Variants in NFKB1 observed in about 807,000 individuals in gnomAD.
NFKB1 encodes nuclear factor NF-kappa-B p105 subunit.
A neutral mutation model predicts 105.1 loss-of-function variants in NFKB1; 9 were observed. The ratio of observed to expected loss-of-function variants is 0.09; its 90% CI spans 0.05 to 0.15. The LOEUF (loss-of-function observed/expected upper bound fraction) is 0.15. Ranked by LOEUF, NFKB1 falls within the 10% of genes least tolerant of loss-of-function variation. The probability of loss-of-function intolerance (pLI) is 1.00; values close to 1 mark genes in which losing one functional copy is unlikely to be tolerated. For synonymous variants in NFKB1, 440 were observed against 442.2 expected (o/e 1.00, Z 0.06); for missense variants, 830 against 1,203.7 (o/e 0.69, Z 4.59).
At chr4:102,580,006 A>G (rs1207459811) in intron 8 of NFKB1, among the ~76,000 whole-genome samples, 2 of 152,134 alleles carry the variant, frequency 1.3e-5, no homozygotes, top group African/African-American at 4.8e-5. Context: ...CTATTACCAC[A>G]AGAAAGTTTT....
chr4:102,561,281 TTG>T (rs545717717), intron 5 of NFKB1, among the ~76,000 whole-genome samples: 8 of 123,764 alleles, frequency 6.5e-5, no homozygotes, highest in African/African-American at 1.3e-4. Context: ...TTTTTTTTTT[TTG>T]TGTGTGTGTG....
chr4:102,606,306 A>G (rs150423120), intron 16 of NFKB1, among the ~76,000 whole-genome samples, 190 bp from the exon 17 acceptor site: 4 of 152,350 alleles, frequency 2.6e-5, no homozygotes, highest in African/African-American at 9.6e-5. Flanking sequence ...AAGTGTTAGT[A>G]CAGTATATGT....
At chr4:102,530,018 A>G (rs1560645857) in intron 3 of NFKB1, 104 bp downstream of exon 3, 2 of 750,436 alleles carry the variant, frequency 2.7e-6, no homozygotes, top group Non-Finnish European at 4.4e-6. Context: ...GTACCTAGAA[A>G]GGAAATGGTG....
rs578235748 is a variant in NFKB1, at chr4:102,518,622, A to C, written c.-7-6890A>C. Among the ~76,000 whole-genome samples, 3 of 152,334 alleles carry C rather than the reference A, an allele frequency of 2.0e-5. No homozygotes were observed. In the South Asian group the frequency reaches 6.2e-4, roughly 32 times the overall value. ...GGAGAATCACCACAAAGCAAATTAA[A>C]AGATACTGATTACTTCTTCCAATTC... On this transcript the variant is annotated intron_variant, in intron 1 of 23. Coordinates refer to ENST00000226574, the MANE Select transcript of NFKB1 (RefSeq NM_003998.4).
intron 4 of NFKB1, among the ~76,000 whole-genome samples, chr4:102,534,301 T>C (rs1741491700): frequency 6.6e-6 from 1 of 152,182 alleles, no homozygotes; most frequent in South Asian, 2.1e-4. Flanking sequence ...CTCTTAGCCT[T>C]CCTCCTTCCT....
At chr4:102,603,127 C>A (rs2149216365) in intron 16 of NFKB1, among the ~76,000 whole-genome samples, 1 of 152,258 alleles carries the variant, frequency 6.6e-6, no homozygotes. Context: ...GACTGGAATG[C>A]AGTGGCGCGA....
At chr4:102,504,343 C>A (rs1739289448) in intron 1 of NFKB1, among the ~76,000 whole-genome samples, 1 of 152,124 alleles carries the variant, frequency 6.6e-6, no homozygotes, top group African/African-American at 2.4e-5. Context: ...CTCTTCTGGT[C>A]CACAGATTGA....
chr4:102,522,365 A>G (rs1740627761), intron 1 of NFKB1, among the ~76,000 whole-genome samples: 1 of 152,206 alleles, frequency 6.6e-6, no homozygotes, highest in Non-Finnish European at 1.5e-5. Context: ...TAAAAGTTCA[A>G]ATTTTAACTA....
chr4:102,526,942 A>G (rs759191988), intron 2 of NFKB1, among the ~76,000 whole-genome samples: 18 of 151,098 alleles, frequency 1.2e-4, no homozygotes, highest in Middle Eastern at 3.4e-3. Flanking sequence ...GTGTGTGTGT[A>G]TATATGTATA....
intron 16 of NFKB1, 79 bp from the exon 17 acceptor site, chr4:102,606,417 C>A: frequency 1.5e-6 from 2 of 1,334,976 alleles, no homozygotes; most frequent in Non-Finnish European, 2.1e-6. Flanking sequence ...CCACCTATTG[C>A]AGTAACAGCT....
chr4:102,551,825 G>T (rs1029348983), intron 5 of NFKB1, among the ~76,000 whole-genome samples: 1 of 152,114 alleles, frequency 6.6e-6, no homozygotes, highest in African/African-American at 2.4e-5. Context: ...CAAACAATTT[G>T]AATTCAAATT....
intron 3 of NFKB1, 129 bp downstream of exon 3, chr4:102,530,043 C>A (rs535226286): frequency 9.2e-6 from 6 of 651,502 alleles, no homozygotes; most frequent in Non-Finnish European, 1.6e-5. Context: ...GTTTTAAAAA[C>A]CAATCTTTTA....
intron 16 of NFKB1, among the ~76,000 whole-genome samples, chr4:102,606,058 C>A (rs1299070542): frequency 1.3e-5 from 2 of 152,150 alleles, no homozygotes; most frequent in Non-Finnish European, 2.9e-5. Context: ...AATCAACAAT[C>A]AGTGGGTTGT....
intron 23 of NFKB1, among the ~76,000 whole-genome samples, chr4:102,615,955 T>G (rs1728907674): frequency 6.6e-6 from 1 of 152,248 alleles, no homozygotes; most frequent in South Asian, 2.1e-4. Context: ...CATTTTACTT[T>G]TATTGCTACC....
chr4:102,556,097 A>G (rs1722970141), intron 5 of NFKB1, among the ~76,000 whole-genome samples: 1 of 152,208 alleles, frequency 6.6e-6, no homozygotes, highest in Admixed American at 6.5e-5. Context: ...CATAAAAGAC[A>G]AGAGACAGAG....
At chr4:102,570,846 A>G in intron 6 of NFKB1, among the ~76,000 whole-genome samples, 1 of 152,230 alleles carries the variant, frequency 6.6e-6, no homozygotes, top group African/African-American at 2.4e-5. Flanking sequence ...ACACAAACTA[A>G]TGGAAGAACA....
chr4:102,539,492 T>A (rs576696903), intron 5 of NFKB1, among the ~76,000 whole-genome samples: 68 of 152,196 alleles, frequency 4.5e-4, no homozygotes, highest in African/African-American at 1.5e-3. Context: ...ATGAAAGATG[T>A]TTTTTCTATT....
At chr4:102,543,311 C>T (rs1401401864) in intron 5 of NFKB1, among the ~76,000 whole-genome samples, 1 of 152,146 alleles carries the variant, frequency 6.6e-6, no homozygotes, top group East Asian at 1.9e-4. Context: ...TAATGTGACA[C>T]GTCCTTCTGT....
rs140753783 is a variant in NFKB1, at chr4:102,550,486, C to T, written c.258+12530C>T. ...TCCAACACTGCAGGCTTCTTCCCTC[C>T]CTCCCCTCATCCCATACTTGTATTT... is the stretch of plus-strand genomic sequence containing the variant. On this transcript the variant is annotated intron_variant, in intron 5 of 23. Transcript: ENST00000226574. Among the ~76,000 whole-genome samples, 440 of 152,242 alleles carry T rather than the reference C, an allele frequency of 2.9e-3. 2 individuals carry two copies. Among genetic ancestry groups the T allele is most frequent in the African/African-American group, 0.01 (422 of 41,532 alleles).
Sources: allele counts gnomAD v4.1 joint callset (sites outside exome capture counted in the v4.1 genomes callset), GRCh38; gene constraint gnomAD v4.1.1; transcripts MANE v1.5; gene names NCBI Gene and HGNC (gene_info 2026-07-23, HGNC 2026-07-21).